PRAG1: variants seen among roughly 807,000 people sequenced by gnomAD.
PRAG1 encodes the protein PEAK1 related, kinase-activating pseudokinase 1.
A neutral mutation model predicts 95.6 loss-of-function variants in PRAG1; 110 were observed. The observed-to-expected ratio is 1.15, with a 90% confidence interval of 0.99 to 1.35. The LOEUF is 1.35. Among genes scored for constraint, PRAG1 ranks in the 40% most tolerant of loss-of-function variants. The pLI is 0.00. For missense variants in PRAG1, 2,554 were observed against 1,864.7 expected, an observed-to-expected ratio of 1.37 and a Z score of -6.81; for synonymous variants, 1,052 against 819.4, an observed-to-expected ratio of 1.28 and a Z score of -4.85.
rs564201535 is a variant in PRAG1 at position 8,328,349 on chromosome 8, C to A, written c.2433G>T (p.Gln811His). Reference sequence around the variant, plus strand: ...TCTTTTTCTGGGGGAGTGGAGGGGGCTGCTGGGGGCCACTGGGGGACACGT... The same window carrying A: ...TCTTTTTCTGGGGGAGTGGAGGGGGATGCTGGGGGCCACTGGGGGACACGT... ...TEDVSPSGPQQPPPLPQKKIV... is the reference protein window; with the variant it reads ...TEDVSPSGPQHPPPLPQKKIV... Residue 811 changes from glutamine to histidine, a missense_variant, in exon 5 of 6, where the codon CAG (glutamine) becomes CAT (histidine). By Grantham distance (24) the Gln-to-His change is conservative. Coordinates refer to ENST00000615670, the MANE Select transcript of PRAG1 (RefSeq NM_001080826.3). 11 of 1,612,864 alleles carry A rather than the reference C, an allele frequency of 6.8e-6. No individual in the cohort carries two copies. Among genetic ancestry groups the A allele is most frequent in the South Asian group, 6.6e-5 (6 of 91,042 alleles).
chr8:8,328,558 T>G, intron 4 of PRAG1, 97 bp from the exon 5 acceptor site: 1 of 1,303,932 alleles, frequency 7.7e-7, no homozygotes, highest in Non-Finnish European at 1.0e-6. Flanking sequence ...ATTTATTTGG[T>G]CAGAGCAATT....
intron 5 of PRAG1, among the ~76,000 whole-genome samples, chr8:8,321,813 T>A (rs923653272): frequency 6.6e-6 from 1 of 152,200 alleles, no homozygotes; most frequent in Non-Finnish European, 1.5e-5. Context: ...TTTTCATTAT[T>A]TGCAGGAGTT....
intron 3 of PRAG1, among the ~76,000 whole-genome samples, chr8:8,373,907 C>G (rs1215223716): frequency 6.6e-6 from 1 of 152,180 alleles, no homozygotes; most frequent in East Asian, 1.9e-4. Flanking sequence ...AACCCAGATG[C>G]TAATTAAAAC....
rs58909372 is a variant in PRAG1 at position 8,379,931 on chromosome 8, G to T, written c.330+1487C>A. 6.5e-3 allele frequency among the ~76,000 whole-genome samples: 984 copies of T among 152,208 alleles called. 9 individuals are homozygous for T. Among genetic ancestry groups the T allele is most frequent in the African/African-American group, 0.022 (923 of 41,520 alleles). On this transcript the variant is annotated intron_variant, in intron 2 of 5. Transcript: ENST00000615670. The stretch of plus-strand genomic sequence containing the variant: ...TGGCTGGGTATTAGATAATATTAAG[G>T]AATTACTGCTAATATTCTGAAGTGT...
At position 8,355,633 on chromosome 8, in the gene PRAG1, G is replaced by T. The variant is rs184907931; in HGVS notation, c.2163-15998C>A. On this transcript the variant is annotated intron_variant, in intron 3 of 5. Transcript: ENST00000615670. ...CTCAGAAATTGATCCAGACATACAT[G>T]GTCAACTAGTTTTTGACAAGAGCAT... Among the ~76,000 whole-genome samples the T allele has an allele frequency of 9.2e-5, 14 of 152,158 alleles. No individual in the cohort carries two copies. The East Asian group carries it at 2.7e-3, about 29-fold the overall frequency.
chr8:8,370,298 A>T (rs1237604481), intron 3 of PRAG1, among the ~76,000 whole-genome samples: 1 of 152,248 alleles, frequency 6.6e-6, no homozygotes, highest in Non-Finnish European at 1.5e-5. Flanking sequence ...GGCATGGCAC[A>T]GAATATAAAC....
intron 1 of PRAG1, among the ~76,000 whole-genome samples, 188 bp downstream of exon 1, chr8:8,386,133 G>A (rs181276240): frequency 3.3e-5 from 5 of 152,148 alleles, no homozygotes; most frequent in Admixed American, 2.0e-4. Context: ...TCCCGGCCGG[G>A]CGCCTCCCTG....
In PRAG1 at chr8:8,336,499, T is replaced by G. The variant is rs577089027; in HGVS notation, c.2320+2979A>C. Among the ~76,000 whole-genome samples, 7 of 152,364 alleles carry G rather than the reference T, an allele frequency of 4.6e-5. No homozygotes were observed. The East Asian group carries it at 1.3e-3, about 29-fold the overall frequency. On this transcript the variant is annotated intron_variant, in intron 4 of 5. Coordinates refer to ENST00000615670, the MANE Select transcript of PRAG1 (RefSeq NM_001080826.3). ...TTTTCCTTGCACTGAGTTGACTGGC[T>G]GTTCAATTGAATTGGACAAATGGGA... is the stretch of plus-strand genomic sequence containing the variant.
At position 8,377,417 on chromosome 8, in the gene PRAG1, G is replaced by A. The variant is rs892286239; in HGVS notation, c.992C>T (p.Thr331Ile). ...SCLGPKKLSL[T>I]SEAAISSDGL... The stretch of plus-strand genomic sequence containing the variant: ...GTCGGAAGAAATGGCAGCCTCCGAG[G>A]TGAGGGACAGTTTCTTGGGGCCCAG... Residue 331 changes from threonine (T) to isoleucine (I), a missense_variant, in exon 3 of 6, where the codon ACC becomes ATC. By Grantham distance (89) the Thr-to-Ile change is moderately conservative. Coordinates refer to ENST00000615670, the MANE Select transcript of PRAG1 (RefSeq NM_001080826.3). 1.9e-6 allele frequency: 3 copies of A among 1,568,492 alleles called. No individual in the cohort carries two copies. The highest frequency in any genetic ancestry group is 2.2e-5 in the East Asian group (1 of 44,620).
At chr8:8,367,331 G>A (rs1441925475) in intron 3 of PRAG1, among the ~76,000 whole-genome samples, 14 of 151,318 alleles carry the variant, frequency 9.3e-5, no homozygotes, top group African/African-American at 2.2e-4. Flanking sequence ...GGTGGCAGGC[G>A]CCTGTAATCC....
intron 3 of PRAG1, among the ~76,000 whole-genome samples, chr8:8,349,534 G>A (rs896405676): frequency 2.0e-5 from 3 of 151,902 alleles, no homozygotes; most frequent in Non-Finnish European, 2.9e-5. Context: ...CACCTGCCTC[G>A]GCCTCCCAAA....
intron 4 of PRAG1, among the ~76,000 whole-genome samples, chr8:8,336,485 C>A (rs1380725401): frequency 6.6e-6 from 1 of 152,194 alleles, no homozygotes; most frequent in Non-Finnish European, 1.5e-5. Flanking sequence ...TTTCCTTGCA[C>A]TGAGTTGACT....
intron 5 of PRAG1, among the ~76,000 whole-genome samples, chr8:8,325,890 C>A (rs374375797): frequency 4.1e-4 from 62 of 151,174 alleles, no homozygotes; most frequent in African/African-American, 1.4e-3. Flanking sequence ...CCAGCCTGGG[C>A]AACAGAGCGA....
intron 3 of PRAG1, among the ~76,000 whole-genome samples, chr8:8,375,589 C>T (rs1327802410): frequency 6.6e-6 from 1 of 152,158 alleles, no homozygotes; most frequent in African/African-American, 2.4e-5. Flanking sequence ...GACCTAATCA[C>T]CATTGTGGTA....
chr8:8,344,144 G>A (rs1799258920), intron 3 of PRAG1, among the ~76,000 whole-genome samples: 1 of 152,028 alleles, frequency 6.6e-6, no homozygotes, highest in African/African-American at 2.4e-5. Flanking sequence ...ACCATACTGT[G>A]CAGTACAGAG....
At chr8:8,324,948 A>C (rs1486467003) in intron 5 of PRAG1, among the ~76,000 whole-genome samples, 1 of 152,170 alleles carries the variant, frequency 6.6e-6, no homozygotes, top group African/African-American at 2.4e-5. Flanking sequence ...CGCTGAGCCC[A>C]AAGTAGTAGG....
At chr8:8,328,947 T>C (rs990811258) in intron 4 of PRAG1, among the ~76,000 whole-genome samples, 1 of 152,284 alleles carries the variant, frequency 6.6e-6, no homozygotes, top group Non-Finnish European at 1.5e-5. Flanking sequence ...GCAAGTATCA[T>C]AATTTAACCA....
chr8:8,341,805 C>T (rs535941443), intron 3 of PRAG1, among the ~76,000 whole-genome samples: 1 of 152,238 alleles, frequency 6.6e-6, no homozygotes, highest in South Asian at 2.1e-4. Context: ...TTGTCCTGTC[C>T]TTGTCCAATT....
chr8:8,362,844 T>C (rs908065664), intron 3 of PRAG1, among the ~76,000 whole-genome samples: 1 of 152,142 alleles, frequency 6.6e-6, no homozygotes, highest in Admixed American at 6.5e-5. Context: ...CTTAGCCTGA[T>C]TGGCTAACAA....
Sources: allele counts gnomAD v4.1 joint callset (sites outside exome capture counted in the v4.1 genomes callset), GRCh38; gene constraint gnomAD v4.1.1; transcripts MANE v1.5; gene names NCBI Gene and HGNC (gene_info 2026-07-23, HGNC 2026-07-21).